ADAMTS19: variants seen among roughly 807,000 people sequenced by gnomAD.
ADAMTS19 encodes A disintegrin and metalloproteinase with thrombospondin motifs 19.
In ADAMTS19, 93 loss-of-function variants were observed where a neutral mutation model predicts 153.3. The ratio of observed to expected loss-of-function variants is 0.61; its 90% CI spans 0.51 to 0.72. ADAMTS19 has a LOEUF of 0.72. Ranked by LOEUF, ADAMTS19 falls within the 30% of genes least tolerant of loss-of-function variation. The pLI is 0.00. For synonymous variants in ADAMTS19, 600 were observed against 556.6 expected, an observed-to-expected ratio of 1.08 and a Z score of -1.10; for missense variants, 1,482 against 1,552.1, an observed-to-expected ratio of 0.95 and a Z score of 0.76.
chr5:129,597,211 G>A (rs1293201389), intron 8 of ADAMTS19, among the ~76,000 whole-genome samples: 1 of 152,070 alleles, frequency 6.6e-6, no homozygotes, highest in Non-Finnish European at 1.5e-5. Context: ...AACCCAAAGA[G>A]GTAGTTATTG....
intron 20 of ADAMTS19, among the ~76,000 whole-genome samples, chr5:129,702,125 G>A (rs1755893955): frequency 6.6e-6 from 1 of 152,164 alleles, no homozygotes; most frequent in East Asian, 1.9e-4. Context: ...GCTGGGATTT[G>A]AACCCAAGGT....
intron 7 of ADAMTS19, among the ~76,000 whole-genome samples, chr5:129,593,866 CA>C (rs776738906): frequency 6.6e-6 from 1 of 152,172 alleles, no homozygotes; most frequent in Non-Finnish European, 1.5e-5. Flanking sequence ...AGTACTTATT[CA>C]GCTCTTCCAT....
chr5:129,650,730 T>C (rs1341100787), intron 13 of ADAMTS19, among the ~76,000 whole-genome samples: 4 of 152,120 alleles, frequency 2.6e-5, no homozygotes, highest in Non-Finnish European at 5.9e-5. Context: ...CATTCACATT[T>C]AATTTTTTAA....
At chr5:129,519,687 A>G (rs1289560942) in intron 3 of ADAMTS19, among the ~76,000 whole-genome samples, 1 of 151,712 alleles carries the variant, frequency 6.6e-6, no homozygotes, top group Non-Finnish European at 1.5e-5. Flanking sequence ...AAGATTTTTA[A>G]GAAATACACA....
At position 129,526,615 on chromosome 5, in the gene ADAMTS19, T is replaced by A. The variant is rs1033357774; in HGVS notation, c.1086+159T>A. 4.8e-6 allele frequency: 3 copies of A among 627,380 alleles called. No homozygotes were observed. In the African/African-American group the frequency reaches 5.8e-5, roughly 12 times the overall value. 38.9% of individuals were successfully genotyped at this position (627,380 alleles called of 1,614,324 possible). On this transcript the variant is annotated intron_variant, in intron 4 of 22. Coordinates refer to ENST00000274487, the MANE Select transcript of ADAMTS19 (RefSeq NM_133638.6). ...TACTTAGGTATATAAAATTGATCCA[T>A]CTCAAAAGCAATATCAAAATAAAAA...
At chr5:129,505,913 T>C (rs1751254671) in intron 2 of ADAMTS19, among the ~76,000 whole-genome samples, 1 of 152,154 alleles carries the variant, frequency 6.6e-6, no homozygotes, top group South Asian at 2.1e-4. Context: ...TTATATACTC[T>C]GCATTTATTT....
chr5:129,490,565 C>A (rs902605613), intron 2 of ADAMTS19, among the ~76,000 whole-genome samples: 1 of 152,170 alleles, frequency 6.6e-6, no homozygotes, highest in South Asian at 2.1e-4. Flanking sequence ...CAAATAAAAT[C>A]AAAGGTATAT....
Position 129,622,365 on chromosome 5 carries a change from G to A in ADAMTS19, c.1770+17G>A, listed in dbSNP as rs776581390. 1.9e-6 allele frequency: 3 copies of A among 1,613,492 alleles called. No individual in the cohort carries two copies. The highest frequency in any genetic ancestry group is 2.5e-6 in the Non-Finnish European group (3 of 1,179,672). On this transcript the variant is annotated intron_variant, in intron 10 of 22. Coordinates refer to ENST00000274487, the MANE Select transcript of ADAMTS19 (RefSeq NM_133638.6). Reference sequence around the variant, plus strand: ...GAGATGCAGGTAAAGATCCAGGTGGGGATTTTGTGCGTTCATTCATTGTTT... The same window carrying A: ...GAGATGCAGGTAAAGATCCAGGTGGAGATTTTGTGCGTTCATTCATTGTTT...
At chr5:129,577,158 T>C (rs1283924793) in intron 7 of ADAMTS19, among the ~76,000 whole-genome samples, 2 of 152,144 alleles carry the variant, frequency 1.3e-5, no homozygotes, top group African/African-American at 4.8e-5. Flanking sequence ...TTTAGAGGAC[T>C]AGAAAGACAT....
Position 129,687,415 on chromosome 5 carries a change from G to A in ADAMTS19, c.2818+3142G>A, listed in dbSNP as rs562085909. On this transcript the variant is annotated intron_variant, in intron 18 of 22. Transcript: ENST00000274487. ...TTATCTAATAGAAGCTGCATCAGAA[G>A]GAGTTAAACATACAGAACTTGTCAG... Among the ~76,000 whole-genome samples, 7 of 152,244 alleles carry A rather than the reference G, an allele frequency of 4.6e-5. No individual in the cohort carries two copies. In the South Asian group the frequency reaches 6.2e-4, roughly 14 times the overall value.
chr5:129,571,822 G>C (rs1753920014), intron 7 of ADAMTS19, among the ~76,000 whole-genome samples: 1 of 151,494 alleles, frequency 6.6e-6, no homozygotes, highest in Non-Finnish European at 1.5e-5. Flanking sequence ...TAAATCAATG[G>C]ACCAAAATAG....
At chr5:129,667,346 T>C (rs1453331441) in intron 16 of ADAMTS19, among the ~76,000 whole-genome samples, 1 of 152,200 alleles carries the variant, frequency 6.6e-6, no homozygotes, top group East Asian at 1.9e-4. Flanking sequence ...TGCATGTTTA[T>C]TTGATGTAAA....
chr5:129,516,967 G>T (rs73246861), intron 3 of ADAMTS19, among the ~76,000 whole-genome samples: 7,181 of 147,794 alleles, frequency 0.049, 238 homozygotes, highest in African/African-American at 0.089. Context: ...AAAGGTTTTG[G>T]TATGCTTTGT....
chr5:129,484,596 C>A (rs6862092), intron 2 of ADAMTS19, among the ~76,000 whole-genome samples: 1 of 152,018 alleles, frequency 6.6e-6, no homozygotes, highest in African/African-American at 2.4e-5. Flanking sequence ...TTTTAGCCTA[C>A]GGTTTAAACT....
At chr5:129,660,037 C>T (rs1046450003) in intron 15 of ADAMTS19, among the ~76,000 whole-genome samples, 12 of 152,028 alleles carry the variant, frequency 7.9e-5, no homozygotes, top group African/African-American at 2.4e-4. Context: ...TTTGAGTAAT[C>T]GAGAAAACAG....
intron 8 of ADAMTS19, among the ~76,000 whole-genome samples, chr5:129,608,196 G>A (rs1454043996): frequency 1.4e-5 from 2 of 145,648 alleles, no homozygotes; most frequent in South Asian, 2.2e-4. Flanking sequence ...GCAACAGTGT[G>A]GATGAAACTT....
At chr5:129,707,852 T>G (rs1756237985) in intron 21 of ADAMTS19, among the ~76,000 whole-genome samples, 1 of 152,202 alleles carries the variant, frequency 6.6e-6, no homozygotes. Flanking sequence ...AATTTTTTTA[T>G]AAAGCTAGCA....
At chr5:129,498,047 C>T (rs796580701) in intron 2 of ADAMTS19, among the ~76,000 whole-genome samples, 15 of 152,174 alleles carry the variant, frequency 9.9e-5, no homozygotes, top group African/African-American at 3.6e-4. Context: ...GTCCTGCCAA[C>T]CTGTCTGCTC....
intron 2 of ADAMTS19, among the ~76,000 whole-genome samples, chr5:129,498,499 T>C (rs1245057470): frequency 6.6e-6 from 1 of 152,052 alleles, no homozygotes; most frequent in African/African-American, 2.4e-5. Flanking sequence ...TATTCTTTAT[T>C]TGTTACTTTT....
Sources: gnomAD v4.1 joint callset for allele counts (sites outside exome capture counted in the v4.1 genomes callset) on GRCh38, gnomAD v4.1.1 for gene constraint, MANE v1.5 for transcripts, NCBI Gene and HGNC (gene_info 2026-07-23, HGNC 2026-07-21) for gene names.